R3HDM2: variants seen among roughly 807,000 people sequenced by gnomAD.
R3HDM2 encodes R3H domain containing 2.
A neutral mutation model predicts 124.5 loss-of-function variants in R3HDM2; 38 were observed. That is an observed-to-expected ratio of 0.31 (90% confidence interval 0.24 to 0.40). The LOEUF (loss-of-function observed/expected upper bound fraction) is 0.40. Ranked by LOEUF, R3HDM2 falls within the 10% of genes least tolerant of loss-of-function variation. The pLI is 1.00. For missense variants in R3HDM2, 869 were observed against 1,236.9 expected, an observed-to-expected ratio of 0.70 and a Z score of 4.46; for synonymous variants, 391 against 448.0, an observed-to-expected ratio of 0.87 and a Z score of 1.61.
intron 2 of R3HDM2, among the ~76,000 whole-genome samples, chr12:57,385,485 G>GC (rs1449497156): frequency 1.3e-5 from 2 of 151,758 alleles, no homozygotes; most frequent in African/African-American, 2.4e-5. Flanking sequence ...CTCGCGATCC[G>GC]CCCACCTCAG....
chr12:57,321,638 C>T (rs951583497), intron 2 of R3HDM2, among the ~76,000 whole-genome samples: 2 of 151,672 alleles, frequency 1.3e-5, no homozygotes, highest in African/African-American at 2.4e-5. Context: ...GCAACAAGAG[C>T]GAAACTCCGT....
chr12:57,334,654 T>C (rs1345111518), intron 2 of R3HDM2, among the ~76,000 whole-genome samples: 1 of 152,116 alleles, frequency 6.6e-6, no homozygotes, highest in Non-Finnish European at 1.5e-5. Flanking sequence ...CCAAAAACCC[T>C]GGAGATTTTT....
At chr12:57,424,029 G>A (rs1594669870) in intron 1 of R3HDM2, among the ~76,000 whole-genome samples, 2 of 137,820 alleles carry the variant, frequency 1.5e-5, no homozygotes, top group South Asian at 2.3e-4. Flanking sequence ...CAGGAGAATC[G>A]CTTGGACCCA....
intron 2 of R3HDM2, among the ~76,000 whole-genome samples, chr12:57,356,408 T>G (rs1482427738): frequency 1.3e-5 from 2 of 152,226 alleles, no homozygotes; most frequent in Non-Finnish European, 2.9e-5. Context: ...GAATTCTGAA[T>G]GTAATGAACC....
chr12:57,426,934 A>C (rs1254395139), intron 1 of R3HDM2, among the ~76,000 whole-genome samples: 2 of 152,278 alleles, frequency 1.3e-5, no homozygotes, highest in East Asian at 1.9e-4. Flanking sequence ...TCAGTCAATA[A>C]ATCTGTTGTG....
chr12:57,363,889 A>AT (rs1227360856), intron 2 of R3HDM2, among the ~76,000 whole-genome samples: 1 of 151,858 alleles, frequency 6.6e-6, no homozygotes, highest in African/African-American at 2.4e-5. Flanking sequence ...AGGCAAAAGA[A>AT]TGAACTTCCT....
At chr12:57,426,536 A>G (rs564281533) in intron 1 of R3HDM2, among the ~76,000 whole-genome samples, 158 of 152,328 alleles carry the variant, frequency 1.0e-3, no homozygotes, top group African/African-American at 3.7e-3. Context: ...CTGAAAACTC[A>G]AAGTGGAACC....
chr12:57,322,140 C>T (rs568016607), intron 2 of R3HDM2, among the ~76,000 whole-genome samples: 2 of 152,270 alleles, frequency 1.3e-5, no homozygotes, highest in South Asian at 2.1e-4. Flanking sequence ...TGCTTGAATC[C>T]TGGAGGCGGA....
intron 2 of R3HDM2, among the ~76,000 whole-genome samples, chr12:57,334,925 G>A (rs1050208455): frequency 2.6e-5 from 4 of 151,236 alleles, no homozygotes; most frequent in Non-Finnish European, 5.9e-5. Flanking sequence ...GTCACCTGAG[G>A]CTAGCAGTTT....
In R3HDM2 at chr12:57,266,754, G is replaced by A. The variant is rs754895423; in HGVS notation, c.2108C>T (p.Pro703Leu). The A allele has an allele frequency of 1.2e-6, 2 of 1,603,098 alleles. No homozygotes were observed. The highest frequency in any genetic ancestry group is 1.7e-6 in the Non-Finnish European group (2 of 1,170,170). Residue 703 changes from proline to leucine, a missense_variant, in exon 19 of 24, where the codon CCA becomes CTA. This residue lies in a region of R3HDM2 where 602 missense variants were observed against 789.2 expected (regional missense o/e 0.76). Coordinates refer to ENST00000402412, the MANE Select transcript of R3HDM2 (RefSeq NM_001394031.1). ...MPQSPSPCSP[P>L]QMPQQYSGVS... Reference sequence around the variant, plus strand: ...ACCTGAGTACTGCTGTGGCATCTGTGGTGGACTGCAGGGAGAGGGAGACTG... The same window carrying A: ...ACCTGAGTACTGCTGTGGCATCTGTAGTGGACTGCAGGGAGAGGGAGACTG...
At position 57,414,695 on chromosome 12, in the gene R3HDM2, G is replaced by A. The variant is rs145602394; in HGVS notation, c.-106+16025C>T. On this transcript the variant is annotated intron_variant, in intron 1 of 23. Coordinates refer to ENST00000402412, the MANE Select transcript of R3HDM2 (RefSeq NM_001394031.1). Reference sequence around the variant, plus strand: ...TACTAAAAATACAAAAATTAGCTGGGCATGGCAAGTGCCTTGAATCCCAGC... The same window carrying A: ...TACTAAAAATACAAAAATTAGCTGGACATGGCAAGTGCCTTGAATCCCAGC... Among the ~76,000 whole-genome samples, 195 of 151,584 alleles carry A rather than the reference G, an allele frequency of 1.3e-3. 2 individuals are homozygous for A. Among genetic ancestry groups the A allele is most frequent in the African/African-American group, 4.5e-3 (185 of 41,350 alleles).
In R3HDM2 at chr12:57,254,661, G is replaced by C; in HGVS notation, c.*112C>G. 5.2e-6 allele frequency: 5 copies of C among 960,098 alleles called. No individual in the cohort carries two copies. Among genetic ancestry groups the C allele is most frequent in the Non-Finnish European group, 7.6e-6 (5 of 660,228 alleles). The allele number at this position is 960,098 out of a possible 1,614,324, so 59.5% of individuals were successfully genotyped here. A position where few individuals can be genotyped will look rare whatever the true frequency, so the allele number is the denominator to read the frequency against. The stretch of plus-strand genomic sequence containing the variant: ...ATCTTCATCACTGTCTTAGGTTCCA[G>C]TTTAACATCAGTTTCCTTACTTCCT... On this transcript the variant is annotated 3_prime_UTR_variant, in exon 24 of 24. Transcript: ENST00000402412.
intron 1 of R3HDM2, 176 bp downstream of exon 1, chr12:57,430,544 A>G (rs1869609158): frequency 4.1e-6 from 4 of 982,258 alleles, no homozygotes; most frequent in Admixed American, 1.2e-4. Context: ...AGCAGCGCAC[A>G]CTTGGAGCAG....
At chr12:57,402,168 G>A (rs560126027) in intron 1 of R3HDM2, among the ~76,000 whole-genome samples, 2 of 150,764 alleles carry the variant, frequency 1.3e-5, no homozygotes, top group Admixed American at 6.6e-5. Context: ...GGTGACAGGC[G>A]CCTGTAATCC....
At chr12:57,412,986 C>T (rs1278244816) in intron 1 of R3HDM2, among the ~76,000 whole-genome samples, 1 of 151,910 alleles carries the variant, frequency 6.6e-6, no homozygotes, top group Non-Finnish European at 1.5e-5. Flanking sequence ...CCCGCCTCTA[C>T]TAAAAATACA....
chr12:57,296,980 A>C lies in R3HDM2; in HGVS notation c.560+348T>G. ...TGAGGCACAAGAATCACTTGAACCC[A>C]GGAGGCAGAATTGCAGTGAGTCAAG... On this transcript the variant is annotated intron_variant, in intron 8 of 23. Coordinates refer to ENST00000402412, the MANE Select transcript of R3HDM2 (RefSeq NM_001394031.1). The surrounding 1 kb of genome is among the most constrained non-coding windows in gnomAD (Gnocchi z 4.5). The C allele has an allele frequency of 4.5e-6, 1 of 224,684 alleles. No homozygotes were observed. The highest frequency in any genetic ancestry group is 8.8e-6 in the Non-Finnish European group (1 of 114,184). 13.9% of individuals were successfully genotyped at this position (224,684 alleles called of 1,614,324 possible).
intron 2 of R3HDM2, among the ~76,000 whole-genome samples, chr12:57,371,082 A>C (rs891364942): frequency 5.9e-5 from 3 of 50,824 alleles, no homozygotes; most frequent in African/African-American, 2.0e-4. Context: ...ATATACCATT[A>C]CTTTTTTTTT....
chr12:57,268,929 G>A lies in R3HDM2; in HGVS notation c.1868C>T (p.Ser623Phe), dbSNP rs1009013336. ...GLVVQYTPLPSYQVPVGSDSQ... is the reference protein window; with the variant it reads ...GLVVQYTPLPFYQVPVGSDSQ... ...AATGCAGAATGCACCCACTTGGTAA[G>A]AAGGCAGTGGAGTGTACTGAACCAC... Residue 623 changes from serine (S) to phenylalanine (F), a missense_variant, in exon 17 of 24, where the codon TCT (serine) becomes TTT (phenylalanine). Ser to Phe is a radical substitution (Grantham distance 155). Coordinates refer to ENST00000402412, the MANE Select transcript of R3HDM2 (RefSeq NM_001394031.1). 1 of 1,613,884 alleles carries A rather than the reference G, an allele frequency of 6.2e-7. No homozygotes were observed. Among genetic ancestry groups the A allele is most frequent in the Admixed American group, 1.7e-5 (1 of 60,016 alleles).
chr12:57,415,373 CATGCAA>C (rs1169097373), intron 1 of R3HDM2: 2 of 152,000 alleles, frequency 1.3e-5, no homozygotes, highest in Non-Finnish European at 2.9e-5. Flanking sequence ...CCAAGGATAA[CATGCAA>C]ATTAATGAAG....
Sources: gnomAD v4.1 joint callset for allele counts (sites outside exome capture counted in the v4.1 genomes callset) on GRCh38, gnomAD v4.1.1 for gene constraint, gnomAD v4.1.1 regional missense constraint, Gnocchi (gnomAD v3.1) non-coding constraint, MANE v1.5 for transcripts, NCBI Gene and HGNC (gene_info 2026-07-23, HGNC 2026-07-21) for gene names.